Variants in NAB2 observed in about 807,000 individuals in gnomAD.
NAB2 encodes NGFI-A binding protein 2.
Under a neutral mutation model 44.2 loss-of-function variants are expected in NAB2, and 9 were observed. The ratio of observed to expected loss-of-function variants is 0.20; its 90% CI spans 0.12 to 0.36. NAB2 has a LOEUF of 0.36. Ranked by LOEUF, NAB2 falls within the 10% of genes least tolerant of loss-of-function variation. The pLI is 1.00. For synonymous variants in NAB2, 342 were observed against 291.0 expected, an observed-to-expected ratio of 1.18 and a Z score of -1.78; for missense variants, 514 against 709.0, an observed-to-expected ratio of 0.73 and a Z score of 3.12.
chr12:57,093,260 G>A, intron 5 of NAB2, 65 bp downstream of exon 5: 6 of 1,508,022 alleles, frequency 4.0e-6, no homozygotes, highest in Non-Finnish European at 5.3e-6. Context: ...GGGGTTGGGG[G>A]AGGAGTGAGC....
In NAB2 at chr12:57,094,816, A is replaced by T; in HGVS notation, c.*95A>T. Reference sequence around the variant, plus strand: ...CCCCGGAATCTAGTCACAACCCTGGATCCTTCCTCTGCCCTTCTCCTGCCT... The same window carrying T: ...CCCCGGAATCTAGTCACAACCCTGGTTCCTTCCTCTGCCCTTCTCCTGCCT... On this transcript the variant is annotated 3_prime_UTR_variant, in exon 7 of 7. Coordinates refer to ENST00000300131, the MANE Select transcript of NAB2 (RefSeq NM_005967.4). 6 of 1,042,616 alleles carry T rather than the reference A, an allele frequency of 5.8e-6. No homozygotes were observed. Among genetic ancestry groups the T allele is most frequent in the Non-Finnish European group, 8.3e-6 (6 of 720,972 alleles). 64.6% of individuals were successfully genotyped at this position (1,042,616 alleles called of 1,614,324 possible).
In NAB2 at chr12:57,089,254, G is replaced by A. The variant is rs1313501474; in HGVS notation, c.-18G>A. 6.4e-7 allele frequency: 1 copy of A among 1,565,036 alleles called. No individual in the cohort carries two copies. The highest frequency in any genetic ancestry group is 1.2e-5 in the South Asian group (1 of 85,194). The stretch of plus-strand genomic sequence containing the variant: ...GCCGGGCACCGAGAAGGGCAGCCCG[G>A]GTGATCTCCGGCCGTCCATGCACAG... On this transcript the variant is annotated 5_prime_UTR_variant, in exon 1 of 7. Transcript: ENST00000300131.
chr12:57,090,994 G>C, intron 1 of NAB2, 131 bp from the exon 2 acceptor site: 1 of 775,690 alleles, frequency 1.3e-6, no homozygotes, highest in Non-Finnish European at 2.0e-6. Context: ...CCTGGGCACT[G>C]GGCAGGATAG....
At chr12:57,093,802 T>C (rs1273619510) in intron 6 of NAB2, among the ~76,000 whole-genome samples, 1 of 152,004 alleles carries the variant, frequency 6.6e-6, no homozygotes, top group Non-Finnish European at 1.5e-5. Context: ...AGTCTGGTCC[T>C]AGTGTAGATC....
intron 6 of NAB2, among the ~76,000 whole-genome samples, chr12:57,094,109 CTG>C (rs1213078875): frequency 6.7e-6 from 1 of 149,108 alleles, no homozygotes; most frequent in East Asian, 2.0e-4. Context: ...TATTTTTAAA[CTG>C]TGCGTGGGTG....
In NAB2 at chr12:57,093,435, G is replaced by A. The variant is rs775316859; in HGVS notation, c.1305G>A (p.Pro435=). The A allele has an allele frequency of 2.5e-5, 40 of 1,590,470 alleles. No individual in the cohort carries two copies. Among genetic ancestry groups the A allele is most frequent in the Non-Finnish European group, 3.2e-5 (38 of 1,169,490 alleles). Reference sequence around the variant, plus strand: ...TGGGGTCATGTCCAAGGCTGACGCCGCCCCCTGCTGACCTGCCTCTGGCAT... The same window carrying A: ...TGGGGTCATGTCCAAGGCTGACGCCACCCCCTGCTGACCTGCCTCTGGCAT... ...QAVGSCPRLT[P]PPADLPLALP... is the part of the protein sequence containing the mutation. Residue 435 remains proline, a synonymous_variant, in exon 6 of 7, where the codon CCG becomes CCA. Coordinates refer to ENST00000300131, the MANE Select transcript of NAB2 (RefSeq NM_005967.4).
rs1451756897 is a variant in NAB2 at position 57,093,637 on chromosome 12, C to A, written c.1468+39C>A. ...CAGTGCTGTCCCCAAGCACCCCGGC[C>A]ACTCAGGCCCCACACAGCAATTCTG... On this transcript the variant is annotated intron_variant, in intron 6 of 6. Coordinates refer to ENST00000300131, the MANE Select transcript of NAB2 (RefSeq NM_005967.4). 1.1e-5 allele frequency: 16 copies of A among 1,449,218 alleles called. No homozygotes were observed. In the Admixed American group the frequency reaches 3.4e-4, roughly 31 times the overall value. 89.8% of individuals were successfully genotyped at this position (1,449,218 alleles called of 1,614,324 possible). A position where few individuals can be genotyped will look rare whatever the true frequency, so the allele number is the denominator to read the frequency against.
chr12:57,089,270 C>A lies in NAB2; in HGVS notation c.-2C>A. ...GGCAGCCCGGGTGATCTCCGGCCGT[C>A]CATGCACAGAGCGCCTTCCCCCACA... On this transcript the variant is annotated 5_prime_UTR_variant, in exon 1 of 7. Coordinates refer to ENST00000300131, the MANE Select transcript of NAB2 (RefSeq NM_005967.4). The A allele has an allele frequency of 6.4e-7, 1 of 1,572,686 alleles. No homozygotes were observed. The highest frequency in any genetic ancestry group is 2.3e-5 in the East Asian group (1 of 43,150).
chr12:57,092,422 C>G, intron 2 of NAB2, 26 bp from the exon 3 acceptor site: 1 of 1,610,052 alleles, frequency 6.2e-7, no homozygotes, highest in Non-Finnish European at 8.5e-7. Context: ...CGAATTCTGA[C>G]TCTCCTGGCT....
chr12:57,092,177 AGG>A (rs1329647393), intron 2 of NAB2, 179 bp downstream of exon 2: 1 of 1,176,134 alleles, frequency 8.5e-7, no homozygotes, highest in African/African-American at 1.6e-5. Context: ...TCCTCAGCTG[AGG>A]GGGAAGCAGA....
At chr12:57,090,834 C>A (rs901785677) in intron 1 of NAB2, among the ~76,000 whole-genome samples, 1 of 152,170 alleles carries the variant, frequency 6.6e-6, no homozygotes, top group Admixed American at 6.5e-5. Flanking sequence ...TGCCCCAGAC[C>A]AAAAAGATAA....
chr12:57,090,034 T>C (rs531525032), intron 1 of NAB2, among the ~76,000 whole-genome samples: 9 of 152,068 alleles, frequency 5.9e-5, no homozygotes, highest in African/African-American at 2.2e-4. Flanking sequence ...AGCAGAACAA[T>C]TGCGCCCCTC....
chr12:57,093,931 G>A (rs981165907), intron 6 of NAB2, among the ~76,000 whole-genome samples: 12 of 152,108 alleles, frequency 7.9e-5, no homozygotes, highest in Admixed American at 3.3e-4. Flanking sequence ...TGGGGAGCAG[G>A]CTAGGAGTTG....
intron 1 of NAB2, among the ~76,000 whole-genome samples, 172 bp downstream of exon 1, chr12:57,089,526 G>A (rs868223313): frequency 4.5e-4 from 68 of 152,240 alleles, no homozygotes; most frequent in African/African-American, 1.4e-3. Context: ...CTGGGAGCAG[G>A]CAAGCATCTG....
chr12:57,089,452 A>T, intron 1 of NAB2, 98 bp downstream of exon 1: 2 of 287,402 alleles, frequency 7.0e-6, no homozygotes, highest in Non-Finnish European at 1.1e-5. Context: ...GACGTGGGGA[A>T]GCAGGACGGG....
chr12:57,089,935 T>C (rs1162694190), intron 1 of NAB2, among the ~76,000 whole-genome samples: 1 of 151,982 alleles, frequency 6.6e-6, no homozygotes, highest in African/African-American at 2.4e-5. Context: ...GTGGAAAATA[T>C]GGGAGAGGAG....
At chr12:57,090,373 A>T (rs954116515) in intron 1 of NAB2, among the ~76,000 whole-genome samples, 1 of 152,088 alleles carries the variant, frequency 6.6e-6, no homozygotes, top group Non-Finnish European at 1.5e-5. Context: ...AATCTCAGCT[A>T]CTCAGGAGGC....
chr12:57,092,289 CTG>C, intron 2 of NAB2, 157 bp from the exon 3 acceptor site: 1 of 1,185,382 alleles, frequency 8.4e-7, no homozygotes, highest in Non-Finnish European at 1.2e-6. Flanking sequence ...GTGCTGACCT[CTG>C]TCTTCCCACC....
At chr12:57,093,252 G>T in intron 5 of NAB2, 57 bp downstream of exon 5, 8 of 1,513,472 alleles carry the variant, frequency 5.3e-6, no homozygotes, top group Non-Finnish European at 7.1e-6. Flanking sequence ...TAGGGGAGGG[G>T]GTTGGGGGAG....
Sources: gnomAD v4.1 joint callset for allele counts (sites outside exome capture counted in the v4.1 genomes callset) on GRCh38, gnomAD v4.1.1 for gene constraint, MANE v1.5 for transcripts, NCBI Gene and HGNC (gene_info 2026-07-23, HGNC 2026-07-21) for gene names.